ADGRV1: variants seen among roughly 807,000 people sequenced by gnomAD.
ADGRV1 encodes adhesion G protein-coupled receptor V1.
ADGRV1 carries 359 observed loss-of-function variants against 596.2 expected under a neutral mutation model. The ratio of observed to expected loss-of-function variants is 0.60; its 90% CI spans 0.55 to 0.66. The LOEUF is 0.66. Ranked by LOEUF, ADGRV1 falls within the 30% of genes least tolerant of loss-of-function variation. The pLI, the probability that ADGRV1 is intolerant of heterozygous loss-of-function variation, is 0.00. For synonymous variants in ADGRV1, 2,681 were observed against 2,679.2 expected, an observed-to-expected ratio of 1.00 and a Z score of -0.02; for missense variants, 7,274 against 7,575.6, an observed-to-expected ratio of 0.96 and a Z score of 1.48.
intron 83 of ADGRV1, among the ~76,000 whole-genome samples, chr5:90,929,891 C>A (rs1217248028): frequency 3.3e-5 from 5 of 152,080 alleles, no homozygotes; most frequent in African/African-American, 1.2e-4. Flanking sequence ...CTGTATCCTA[C>A]AGAAACATTA....
rs1554064823 is a variant in ADGRV1, at chr5:90,627,962, A to ACG, written c.1238+186_1238+187insCG. 9 of 407,012 alleles carry ACG rather than the reference A, an allele frequency of 2.2e-5. No individual in the cohort carries two copies. In the East Asian group the frequency reaches 3.4e-4, roughly 15 times the overall value. 25.2% of individuals were successfully genotyped at this position (407,012 alleles called of 1,614,324 possible). A position where few individuals can be genotyped will look rare whatever the true frequency, so the allele number is the denominator to read the frequency against. On this transcript the variant is annotated intron_variant, in intron 7 of 89. Coordinates refer to ENST00000405460, the MANE Select transcript of ADGRV1 (RefSeq NM_032119.4). Reference sequence around the variant, plus strand: ...CACACACACACACACACACACACACAAGAATATGTCATTTTTTCTACCATG... The same window carrying ACG: ...CACACACACACACACACACACACACACGAGAATATGTCATTTTTTCTACCATG...
At chr5:90,591,802 C>T (rs1759541283) in intron 1 of ADGRV1, among the ~76,000 whole-genome samples, 1 of 152,224 alleles carries the variant, frequency 6.6e-6, no homozygotes, top group Admixed American at 6.5e-5. Flanking sequence ...AAGAATAACA[C>T]AAGTTATTGA....
chr5:90,642,778 A>G lies in ADGRV1; in HGVS notation c.2367+16A>G. 1.2e-6 allele frequency: 2 copies of G among 1,608,476 alleles called. No individual in the cohort carries two copies. Among genetic ancestry groups the G allele is most frequent in the Non-Finnish European group, 1.7e-6 (2 of 1,178,256 alleles). Reference sequence around the variant, plus strand: ...TGTTATAAAAGTAAGTACGAAAAAAACTTCCATTTATTCTGTGCTCACAAC... The same window carrying G: ...TGTTATAAAAGTAAGTACGAAAAAAGCTTCCATTTATTCTGTGCTCACAAC... On this transcript the variant is annotated intron_variant, in intron 12 of 89. Transcript: ENST00000405460.
chr5:90,627,917 GACACAC>G (rs3041948), intron 7 of ADGRV1, 141 bp downstream of exon 7: 8,890 of 229,284 alleles, frequency 0.039, 32 homozygotes, highest in Middle Eastern at 0.062. Context: ...ACTCAGAAAA[GACACAC>G]ACACACACAC....
At chr5:90,697,296 C>T (rs1747319407) in intron 34 of ADGRV1, 150 bp downstream of exon 34, 2 of 696,802 alleles carry the variant, frequency 2.9e-6, no homozygotes, top group Non-Finnish European at 4.6e-6. Context: ...TGGGAGAAGG[C>T]TTTATAATGA....
chr5:90,913,601 C>T (rs1343315422), intron 83 of ADGRV1, among the ~76,000 whole-genome samples: 1 of 151,816 alleles, frequency 6.6e-6, no homozygotes, highest in Middle Eastern at 3.4e-3. Context: ...TTTTTTTCTT[C>T]GTTGCAGGAA....
At chr5:90,996,469 C>T (rs1216266805) in intron 85 of ADGRV1, among the ~76,000 whole-genome samples, 1 of 152,204 alleles carries the variant, frequency 6.6e-6, no homozygotes, top group Non-Finnish European at 1.5e-5. Context: ...GAGACTCCAA[C>T]TAGATTTCAG....
intron 53 of ADGRV1, among the ~76,000 whole-genome samples, chr5:90,751,433 G>A (rs1428653060): frequency 1.3e-5 from 2 of 152,154 alleles, no homozygotes; most frequent in Admixed American, 1.3e-4. Flanking sequence ...CACAGAACCT[G>A]TTGTTCCTAG....
chr5:90,976,135 ATC>A (rs1779553382), intron 84 of ADGRV1, among the ~76,000 whole-genome samples: 1 of 151,104 alleles, frequency 6.6e-6, no homozygotes, highest in African/African-American at 2.4e-5. Context: ...TTTCCTGTGT[ATC>A]TCTCCATCAA....
At chr5:90,757,191 T>C in intron 57 of ADGRV1, 30 bp downstream of exon 57, 1 of 1,597,560 alleles carries the variant, frequency 6.3e-7, no homozygotes. Context: ...ATTAGCCTTT[T>C]TGAGTTGTGC....
chr5:90,581,789 A>G (rs528280002), intron 1 of ADGRV1, among the ~76,000 whole-genome samples: 2 of 152,352 alleles, frequency 1.3e-5, no homozygotes, highest in African/African-American at 4.8e-5. Flanking sequence ...GCTGTCAGAC[A>G]GGGCTCTAAC....
rs12657264 is a variant in ADGRV1 at position 90,721,320 on chromosome 5, T to C, written c.9748+261T>C. Among the ~76,000 whole-genome samples, 110,221 of 151,306 alleles carry C rather than the reference T, an allele frequency of 0.73. 40,980 individuals are homozygous for C. The highest frequency in any genetic ancestry group is 0.87 in the African/African-American group (35,862 of 41,224). ...GAGATCGAGACCATCCTGGCTAACA[T>C]GGTGAAACCCCATCTTTACTAAAAA... On this transcript the variant is annotated intron_variant, in intron 45 of 89. Coordinates refer to ENST00000405460, the MANE Select transcript of ADGRV1 (RefSeq NM_032119.4).
chr5:90,756,780 C>G, intron 56 of ADGRV1, 150 bp downstream of exon 56: 1 of 789,184 alleles, frequency 1.3e-6, no homozygotes, highest in Non-Finnish European at 2.0e-6. Context: ...TCTCTTTGGG[C>G]TAGACCAAAG....
rs73179774 is a variant in ADGRV1 at position 90,607,374 on chromosome 5, G to A, written c.23-7461G>A. 6.8e-3 allele frequency among the ~76,000 whole-genome samples: 1,039 copies of A among 152,188 alleles called. 8 individuals are homozygous for A. The highest frequency in any genetic ancestry group is 0.019 in the South Asian group (91 of 4,816). On this transcript the variant is annotated intron_variant, in intron 1 of 89. Transcript: ENST00000405460. ...TTAAAATCATCATCCCTTCCATCCT[G>A]TGCTGCTGCTGACCCCCTGCTTACC...
At position 90,667,684 on chromosome 5, in the gene ADGRV1, G is replaced by A. The variant is rs982976927; in HGVS notation, c.4753-4862G>A. Among the ~76,000 whole-genome samples the A allele has an allele frequency of 2.1e-3, 317 of 152,038 alleles. 2 individuals carry two copies. The highest frequency in any genetic ancestry group is 6.5e-3 in the African/African-American group (271 of 41,422). ...TGCGTTCCTTTGGAGGAGGAGAGGC[G>A]CTCTGCTTTTTAGAGTTTCCAGTTT... On this transcript the variant is annotated intron_variant, in intron 21 of 89. Coordinates refer to ENST00000405460, the MANE Select transcript of ADGRV1 (RefSeq NM_032119.4).
chr5:91,156,079 A>C (rs914999403), intron 89 of ADGRV1, among the ~76,000 whole-genome samples: 1 of 152,212 alleles, frequency 6.6e-6, no homozygotes, highest in Non-Finnish European at 1.5e-5. Context: ...GCAGGAGGAA[A>C]CTGATGAGTT....
At chr5:90,978,974 G>T (rs1245637749) in intron 84 of ADGRV1, among the ~76,000 whole-genome samples, 2 of 151,960 alleles carry the variant, frequency 1.3e-5, no homozygotes, top group East Asian at 3.9e-4. Flanking sequence ...CAATTGTTTT[G>T]GGTATTATAT....
chr5:90,883,738 C>G (rs1402524076), intron 83 of ADGRV1, among the ~76,000 whole-genome samples: 3 of 152,128 alleles, frequency 2.0e-5, no homozygotes, highest in Admixed American at 2.0e-4. Flanking sequence ...TTGTAGCTAG[C>G]AGATATGTCC....
chr5:90,656,804 C>A (rs900434996), intron 20 of ADGRV1, among the ~76,000 whole-genome samples: 4 of 152,002 alleles, frequency 2.6e-5, no homozygotes, highest in African/African-American at 9.7e-5. Context: ...ACATAAATAT[C>A]TTAGTTGAGT....
Sources: gnomAD v4.1 joint callset for allele counts (sites outside exome capture counted in the v4.1 genomes callset) on GRCh38, gnomAD v4.1.1 for gene constraint, MANE v1.5 for transcripts, NCBI Gene and HGNC (gene_info 2026-07-23, HGNC 2026-07-21) for gene names.